Variants in NUTM2G observed in about 807,000 individuals in gnomAD.
NUTM2G encodes the protein NUT family member 2G.
Under a neutral mutation model 44.3 loss-of-function variants are expected in NUTM2G, and 29 were observed. That is an observed-to-expected ratio of 0.66 (90% CI 0.49 to 0.89). The LOEUF (loss-of-function observed/expected upper bound fraction) is 0.89, where lower values mean the gene tolerates loss of function less well. NUTM2G is among the 40% of genes least tolerant of loss of function. NUTM2G has a pLI of 0.00. For synonymous variants in NUTM2G, 205 were observed against 395.9 expected (o/e 0.52, Z 5.72); for missense variants, 502 against 946.5 (o/e 0.53, Z 6.16).
rs1441937372 is a variant in NUTM2G at position 96,936,429 on chromosome 9, C to T, written c.847C>T (p.Leu283=). 1 of 1,579,534 alleles carries T rather than the reference C, an allele frequency of 6.3e-7. No homozygotes were observed. The highest frequency in any genetic ancestry group is 1.7e-5 in the Admixed American group (1 of 57,308). ...MIFYEMAAKF[L]EFEAEEEMQI... is the part of the protein sequence containing the mutation. ...CTGGGCCTCCTTCACCCCCAGGTTC[C>T]TGGAGTTTGAGGCTGAGGAGGAGAT... The change falls in exon 4 of 7, where the codon CTG becomes TTG. Residue 283 remains leucine, a synonymous_variant. Transcript: ENST00000372322.
chr9:96,938,590 G>A lies in NUTM2G; in HGVS notation c.1667G>A (p.Arg556Lys). The A allele has an allele frequency of 1.2e-6, 2 of 1,612,576 alleles. No homozygotes were observed. The highest frequency in any genetic ancestry group is 1.1e-5 in the South Asian group (1 of 91,004). The change falls in exon 7 of 7, where the codon AGG (arginine) becomes AAG (lysine). Residue 556 changes from arginine to lysine, a missense_variant. By Grantham distance (26) the Arg-to-Lys change is conservative. Transcript: ENST00000372322. Reference sequence around the variant, plus strand: ...GGCAGAGTGCGCACTGGCATGGCCAGGTCCGAAGACCCTGCTGTGCTTTTG... The same window carrying A: ...GGCAGAGTGCGCACTGGCATGGCCAAGTCCGAAGACCCTGCTGTGCTTTTG... ...GQGRVRTGMA[R>K]SEDPAVLLGC...
chr9:96,929,158 G>A, intron 1 of NUTM2G, 118 bp downstream of exon 1: 1 of 1,553,312 alleles, frequency 6.4e-7, no homozygotes, highest in Non-Finnish European at 8.9e-7. Context: ...AGCACTGGAT[G>A]TCCCCAAGGA....
Position 96,937,907 on chromosome 9 carries a change from G to A in NUTM2G, c.1346G>A (p.Arg449Gln), listed in dbSNP as rs369300898. Residue 449 changes from arginine to glutamine, a missense_variant, in exon 6 of 7, where the codon CGA (arginine) becomes CAA (glutamine). Transcript: ENST00000372322. ...CAGGTGGAGGCCGTCATTCACCCCC[G>A]ATTCCTGGAAGAATTGCTTTCCCCA... ...VTKVEAVIHP[R>Q]FLEELLSPDP... 440 of 1,611,576 alleles carry A rather than the reference G, an allele frequency of 2.7e-4. 1 individual carries two copies. The highest frequency in any genetic ancestry group is 1.8e-3 in the Middle Eastern group (8 of 4,430).
downstream of NUTM2G, among the ~76,000 whole-genome samples, chr9:96,940,793 T>A (rs1229365627): frequency 1.3e-5 from 2 of 152,226 alleles, no homozygotes; most frequent in African/African-American, 2.4e-5. Flanking sequence ...TCTGGCCCCA[T>A]CTGCCCACAG....
intron 1 of NUTM2G, 76 bp downstream of exon 1, chr9:96,929,116 C>A (rs1826164494): frequency 6.2e-7 from 1 of 1,605,302 alleles, no homozygotes; most frequent in South Asian, 1.1e-5. Flanking sequence ...TGAACTGTCC[C>A]TGGGGACAGC....
In NUTM2G at chr9:96,935,443, G is replaced by A. The variant is rs541253499; in HGVS notation, c.829G>A (p.Glu277Lys). The change falls in exon 3 of 7, where the codon GAG becomes AAG. Residue 277 changes from glutamate to lysine, a missense_variant. Coordinates refer to ENST00000372322, the MANE Select transcript of NUTM2G (RefSeq NM_001170741.3). ...CAACTTTGACCGGATGATTTTCTAC[G>A]AGATGGCGGCAAAGTGAGTCTGGGG... ...TSNFDRMIFY[E>K]MAAKFLEFEA... 87 of 1,612,082 alleles carry A rather than the reference G, an allele frequency of 5.4e-5. No homozygotes were observed. The South Asian group carries it at 7.4e-4, about 14-fold the overall frequency.
intron 2 of NUTM2G, among the ~76,000 whole-genome samples, chr9:96,935,109 C>T (rs1210759920): frequency 1.3e-5 from 2 of 152,164 alleles, no homozygotes; most frequent in African/African-American, 2.4e-5. Flanking sequence ...ATCATAACAC[C>T]GAGGACTTGA....
intron 2 of NUTM2G, among the ~76,000 whole-genome samples, chr9:96,933,079 G>A (rs1188933315): frequency 2.0e-5 from 3 of 149,748 alleles, no homozygotes; most frequent in Middle Eastern, 3.5e-3. Flanking sequence ...CCAGGTTCAC[G>A]TCATTCTCCT....
chr9:96,936,403 C>T, intron 3 of NUTM2G, 22 bp from the exon 4 acceptor site: 1 of 1,567,100 alleles, frequency 6.4e-7, no homozygotes, highest in African/African-American at 1.3e-5. Context: ...CTCAGCACAG[C>T]CTGGGCCTCC....
intron 2 of NUTM2G, among the ~76,000 whole-genome samples, chr9:96,934,867 T>C (rs906554775): frequency 6.6e-6 from 1 of 151,940 alleles, no homozygotes; most frequent in Non-Finnish European, 1.5e-5. Context: ...CAGGGCCCTC[T>C]TCCTGGCTGG....
chr9:96,931,266 G>C (rs1826236281), intron 1 of NUTM2G, among the ~76,000 whole-genome samples: 1 of 151,366 alleles, frequency 6.6e-6, no homozygotes, highest in Non-Finnish European at 1.5e-5. Flanking sequence ...GAAGACTGAA[G>C]AGGAGATGGG....
intron 2 of NUTM2G, among the ~76,000 whole-genome samples, chr9:96,934,337 T>G (rs1458939702): frequency 1.3e-5 from 2 of 152,212 alleles, no homozygotes; most frequent in African/African-American, 2.4e-5. Flanking sequence ...GGGAGTCCCC[T>G]GCCTGGGGTG....
At chr9:96,931,642 T>C (rs1270879423) in intron 1 of NUTM2G, 80 bp from the exon 2 acceptor site, 2 of 1,537,118 alleles carry the variant, frequency 1.3e-6, no homozygotes, top group Middle Eastern at 2.3e-4. Context: ...CCCTCAGCTG[T>C]TGGGACTCCC....
At chr9:96,932,959 C>CTTTCTTTTCT (rs1171504742) in intron 2 of NUTM2G, among the ~76,000 whole-genome samples, 1 of 148,894 alleles carries the variant, frequency 6.7e-6, no homozygotes, top group African/African-American at 2.5e-5. Flanking sequence ...CCAATACTTA[C>CTTTCTTTTCT]TTTCTTTTCT....
rs1403890969 is a variant in NUTM2G at position 96,937,366 on chromosome 9, A to G, written c.1285A>G (p.Ile429Val). 4.3e-6 allele frequency: 7 copies of G among 1,613,864 alleles called. No individual in the cohort carries two copies. The highest frequency in any genetic ancestry group is 1.1e-5 in the South Asian group (1 of 91,056). ...MTSDPGLLSY[I>V]DKLCSQEDFV... ...CTCAGACCCGGGCCTCCTGAGCTAC[A>G]TTGACAAGCTGTGTTCCCAGGAAGA... Residue 429 changes from isoleucine (I) to valine (V), a missense_variant, in exon 5 of 7, where the codon ATT becomes GTT. Coordinates refer to ENST00000372322, the MANE Select transcript of NUTM2G (RefSeq NM_001170741.3).
intron 1 of NUTM2G, among the ~76,000 whole-genome samples, chr9:96,931,387 C>T (rs1412167413): frequency 6.6e-6 from 1 of 152,018 alleles, no homozygotes; most frequent in South Asian, 2.1e-4. Flanking sequence ...ACCAAGCCAC[C>T]GAGAGACTCA....
chr9:96,933,834 G>A (rs986226608), intron 2 of NUTM2G: 1 of 152,238 alleles, frequency 6.6e-6, no homozygotes, highest in Non-Finnish European at 1.5e-5. Context: ...AGCGGTGGTG[G>A]AGCCTGCACA....
chr9:96,933,012 C>G (rs1207542881), intron 2 of NUTM2G, among the ~76,000 whole-genome samples: 3 of 144,718 alleles, frequency 2.1e-5, no homozygotes, highest in African/African-American at 5.2e-5. Context: ...GAGTCTCACT[C>G]TGTCGCCCAG....
At chr9:96,940,210 G>A (rs1826560727), downstream of NUTM2G, 1 of 149,864 alleles carries the variant, frequency 6.7e-6, no homozygotes, top group Non-Finnish European at 1.5e-5. Context: ...GCCGAGAGGG[G>A]CCGAGGGTCA....
Sources: allele counts gnomAD v4.1 joint callset (sites outside exome capture counted in the v4.1 genomes callset), GRCh38; gene constraint gnomAD v4.1.1; transcripts MANE v1.5; gene names NCBI Gene and HGNC (gene_info 2026-07-23, HGNC 2026-07-21).